Variants in ADAMTSL3 observed in about 807,000 individuals in gnomAD.
ADAMTSL3 encodes ADAMTS-like protein 3.
ADAMTSL3 carries 128 observed loss-of-function variants against 201.7 expected under a neutral mutation model. That is an observed-to-expected ratio of 0.63 (90% CI 0.55 to 0.73). ADAMTSL3 has a LOEUF of 0.73. Ranked by LOEUF, ADAMTSL3 falls within the 30% of genes least tolerant of loss-of-function variation. The pLI, the probability that ADAMTSL3 is intolerant of heterozygous loss-of-function variation, is 0.00. For missense variants in ADAMTSL3, 1,990 were observed against 2,119.6 expected (o/e 0.94, Z 1.20); for synonymous variants, 738 against 748.4 (o/e 0.99, Z 0.23).
chr15:83,726,831 AG>A (rs2062183327), intron 3 of ADAMTSL3, among the ~76,000 whole-genome samples: 1 of 151,648 alleles, frequency 6.6e-6, no homozygotes, highest in African/African-American at 2.4e-5. Flanking sequence ...AGTGTTAATC[AG>A]GGGTATTGGC....
chr15:83,891,325 G>C lies in ADAMTSL3; in HGVS notation c.1212-4G>C, dbSNP rs780859128. The C allele has an allele frequency of 1.9e-6, 3 of 1,600,628 alleles. No homozygotes were observed. The highest frequency in any genetic ancestry group is 1.6e-4 in the Middle Eastern group (1 of 6,068). Reference sequence around the variant, plus strand: ...TGATATTCTCACAATGATTTCATTTGTAGTGATGGATTTAAAGAGATAATG... The same window carrying C: ...TGATATTCTCACAATGATTTCATTTCTAGTGATGGATTTAAAGAGATAATG... On this transcript the variant is annotated splice_region_variant and splice_polypyrimidine_tract_variant and intron_variant, in intron 11 of 29. Transcript: ENST00000286744.
At chr15:83,667,736 A>T (rs1434227452) in intron 2 of ADAMTSL3, among the ~76,000 whole-genome samples, 1 of 152,084 alleles carries the variant, frequency 6.6e-6, no homozygotes, top group East Asian at 1.9e-4. Flanking sequence ...TGACACCAAA[A>T]ATGACATGGT....
intron 4 of ADAMTSL3, 107 bp from the exon 5 acceptor site, chr15:83,804,542 AG>A: frequency 4.1e-6 from 3 of 729,576 alleles, no homozygotes; most frequent in Non-Finnish European, 6.6e-6. Context: ...CACTAGTAAA[AG>A]TTTTACAGGG....
At chr15:83,865,381 AC>A (rs2064953976) in intron 8 of ADAMTSL3, among the ~76,000 whole-genome samples, 1 of 152,208 alleles carries the variant, frequency 6.6e-6, no homozygotes, top group South Asian at 2.1e-4. Context: ...GGCTACAGTA[AC>A]CAAAACAGCA....
chr15:83,743,259 T>G (rs1350639748), intron 3 of ADAMTSL3, among the ~76,000 whole-genome samples: 1 of 152,216 alleles, frequency 6.6e-6, no homozygotes, highest in African/African-American at 2.4e-5. Context: ...AAAAGTGTGC[T>G]TTCCAGCACT....
At chr15:83,960,175 TTTCTG>T (rs1456611356) in intron 19 of ADAMTSL3, among the ~76,000 whole-genome samples, 1 of 152,160 alleles carries the variant, frequency 6.6e-6, no homozygotes, top group Admixed American at 6.6e-5. Context: ...TAATTAGGGC[TTTCTG>T]TTAAAAGATG....
At position 83,982,285 on chromosome 15, in the gene ADAMTSL3, A is replaced by G; in HGVS notation, c.2657A>G (p.Glu886Gly). The G allele has an allele frequency of 1.3e-6, 2 of 1,584,138 alleles. No homozygotes were observed. The highest frequency in any genetic ancestry group is 1.8e-5 in the Admixed American group (1 of 55,110). The change falls in exon 21 of 30, where the codon GAG (glutamate) becomes GGG (glycine). Residue 886 changes from glutamate to glycine, a missense_variant. Transcript: ENST00000286744. Reference protein sequence around the residue: ...QMPECSKIKSEMKTKLGEQGP... With the variant: ...QMPECSKIKSGMKTKLGEQGP... ...TTTTTTCTTGGAGAAATCAAATCAG[A>G]GATGAAGACAAAACTTGGTGAGCAG...
intron 7 of ADAMTSL3, among the ~76,000 whole-genome samples, chr15:83,841,529 A>G (rs1412818305): frequency 2.6e-5 from 4 of 152,200 alleles, no homozygotes; most frequent in Non-Finnish European, 5.9e-5. Context: ...TGTTATCAGG[A>G]TTTAAAAGAT....
intron 17 of ADAMTSL3, among the ~76,000 whole-genome samples, chr15:83,940,849 T>C (rs2066545517): frequency 6.6e-6 from 1 of 152,140 alleles, no homozygotes; most frequent in Non-Finnish European, 1.5e-5. Context: ...TTTTGGAACA[T>C]TTAAGATAAT....
At position 83,937,900 on chromosome 15, in the gene ADAMTSL3, T is replaced by C. The variant is rs117972911; in HGVS notation, c.2118-4696T>C. On this transcript the variant is annotated intron_variant, in intron 17 of 29. Coordinates refer to ENST00000286744, the MANE Select transcript of ADAMTSL3 (RefSeq NM_207517.3). ...AACTTACTAGAAAGATGCTAAGTGG[T>C]CCACAAAAATAATAGGCTGGATAAC... 5.5e-3 allele frequency among the ~76,000 whole-genome samples: 826 copies of C among 150,948 alleles called. 7 individuals carry two copies. The highest frequency in any genetic ancestry group is 8.3e-3 in the Non-Finnish European group (561 of 67,992).
intron 8 of ADAMTSL3, among the ~76,000 whole-genome samples, chr15:83,864,728 A>T (rs1460634220): frequency 6.6e-6 from 1 of 152,062 alleles, no homozygotes; most frequent in Non-Finnish European, 1.5e-5. Context: ...CTCTCTCACC[A>T]CTCCTATTCA....
intron 3 of ADAMTSL3, among the ~76,000 whole-genome samples, chr15:83,711,469 G>A (rs562561343): frequency 1.3e-5 from 2 of 152,310 alleles, no homozygotes; most frequent in South Asian, 2.1e-4. Flanking sequence ...TCTGGCCTGT[G>A]TGTATAATAT....
intron 3 of ADAMTSL3, among the ~76,000 whole-genome samples, chr15:83,721,047 C>T (rs897620356): frequency 3.9e-5 from 6 of 152,090 alleles, no homozygotes; most frequent in East Asian, 1.9e-4. Context: ...TTTTGTTCTT[C>T]CCCAGGTTCA....
At chr15:83,847,860 C>CT (rs113324910) in intron 7 of ADAMTSL3, among the ~76,000 whole-genome samples, 2,671 of 143,528 alleles carry the variant, frequency 0.019, 76 homozygotes, top group African/African-American at 0.063. Context: ...TTAACAAACA[C>CT]TTTTTTTTTT....
intron 15 of ADAMTSL3, among the ~76,000 whole-genome samples, chr15:83,901,384 C>T (rs2065720991): frequency 6.6e-6 from 1 of 151,932 alleles, no homozygotes; most frequent in African/African-American, 2.4e-5. Context: ...AGGAGGCAAG[C>T]AGCAGATGGA....
chr15:83,912,379 A>G (rs1037651691), intron 15 of ADAMTSL3, among the ~76,000 whole-genome samples: 1 of 152,202 alleles, frequency 6.6e-6, no homozygotes, highest in Non-Finnish European at 1.5e-5. Context: ...TCTGCCAACC[A>G]TTTAAAAACA....
At chr15:83,692,879 G>C (rs149474837) in intron 2 of ADAMTSL3, among the ~76,000 whole-genome samples, 5 of 152,078 alleles carry the variant, frequency 3.3e-5, no homozygotes, top group African/African-American at 1.2e-4. Context: ...TCTTCTCTTG[G>C]AAGGCTGCAT....
At chr15:83,758,390 C>A (rs761804621) in intron 3 of ADAMTSL3, among the ~76,000 whole-genome samples, 1 of 152,156 alleles carries the variant, frequency 6.6e-6, no homozygotes, top group Non-Finnish European at 1.5e-5. Context: ...GAGACTTATT[C>A]ACTGTCATGA....
chr15:83,956,437 T>G (rs1217831511), intron 19 of ADAMTSL3, among the ~76,000 whole-genome samples: 1 of 152,194 alleles, frequency 6.6e-6, no homozygotes, highest in Non-Finnish European at 1.5e-5. Flanking sequence ...CACAGATAAT[T>G]GTTTAAATTT....
Sources: allele counts gnomAD v4.1 joint callset (sites outside exome capture counted in the v4.1 genomes callset), GRCh38; gene constraint gnomAD v4.1.1; transcripts MANE v1.5; gene names NCBI Gene and HGNC (gene_info 2026-07-23, HGNC 2026-07-21).